The following CLCA2 variants were observed in gnomAD, a reference collection of about 807,000 sequenced individuals.
CLCA2 encodes the protein calcium-activated chloride channel regulator 2.
In CLCA2, 85 loss-of-function variants were observed where a neutral mutation model predicts 82.9. That is an observed-to-expected ratio of 1.03 (90% CI 0.86 to 1.23). CLCA2 has a LOEUF of 1.23. Among genes scored for constraint, CLCA2 ranks in the 50% most tolerant of loss-of-function variants. The pLI is 0.00. For missense variants in CLCA2, 1,089 were observed against 1,124.8 expected, an observed-to-expected ratio of 0.97 and a Z score of 0.45; for synonymous variants, 421 against 391.7, an observed-to-expected ratio of 1.07 and a Z score of -0.88.
intron 12 of CLCA2, 87 bp from the exon 13 acceptor site, chr1:86,453,282 T>C: frequency 1.0e-6 from 1 of 955,606 alleles, no homozygotes; most frequent in Non-Finnish European, 1.6e-6. Context: ...GAAAAAAAGG[T>C]TTAAGAAAGT....
At position 86,455,497 on chromosome 1, in the gene CLCA2, C is replaced by G; in HGVS notation, c.2802C>G (p.Asp934Glu). ...CTTTAAGCAGGAAAAAGAGAGCAGA[C>G]AAGAAAGAGAATGGAACAAAATTAT... ...HHTLSRKKRA[D>E]KKENGTKLL Residue 934 changes from aspartate (D) to glutamate (E), a missense_variant, in exon 14 of 14, where the codon GAC becomes GAG. Coordinates refer to ENST00000370565, the MANE Select transcript of CLCA2 (RefSeq NM_006536.7). The G allele has an allele frequency of 6.7e-7, 1 of 1,489,688 alleles. No individual in the cohort carries two copies. Among genetic ancestry groups the G allele is most frequent in the Non-Finnish European group, 8.9e-7 (1 of 1,121,222 alleles). 92.3% of individuals were successfully genotyped at this position (1,489,688 alleles called of 1,614,324 possible). A position where few individuals can be genotyped will look rare whatever the true frequency, so the allele number is the denominator to read the frequency against.
chr1:86,447,033 G>A (rs1662867443), intron 10 of CLCA2, among the ~76,000 whole-genome samples: 1 of 152,138 alleles, frequency 6.6e-6, no homozygotes, highest in Non-Finnish European at 1.5e-5. Flanking sequence ...GGGAAGTGGA[G>A]TGAAAGAAGG....
Position 86,430,919 on chromosome 1 carries a change from A to G in CLCA2, c.533A>G (p.Asn178Ser). The G allele has an allele frequency of 1.9e-6, 3 of 1,613,764 alleles. No homozygotes were observed. Among genetic ancestry groups the G allele is most frequent in the Non-Finnish European group, 2.5e-6 (3 of 1,179,802 alleles). The change falls in exon 4 of 14, where the codon AAC (asparagine) becomes AGC (serine). Residue 178 changes from asparagine to serine, a missense_variant. Asn to Ser is a conservative substitution (Grantham distance 46). Coordinates refer to ENST00000370565, the MANE Select transcript of CLCA2 (RefSeq NM_006536.7). ...CGTTGGGGTGTGTTCGATGAGTATA[A>G]CAATGACAAACCTTTCTACATAAAT... ...HLRWGVFDEY[N>S]NDKPFYINGQ...
At chr1:86,442,769 T>A (rs961111182) in intron 9 of CLCA2, among the ~76,000 whole-genome samples, 3 of 152,240 alleles carry the variant, frequency 2.0e-5, no homozygotes, top group Admixed American at 1.3e-4. Flanking sequence ...ACGCAGTAAT[T>A]AAATGCAGGG....
rs1028195388 is a variant in CLCA2 at position 86,455,567 on chromosome 1, C to G, written c.*40C>G. 18 of 1,313,196 alleles carry G rather than the reference C, an allele frequency of 1.4e-5. No homozygotes were observed. The East Asian group carries it at 3.6e-4, about 26-fold the overall frequency. The allele number at this position is 1,313,196 out of a possible 1,614,324, so 81.3% of individuals were successfully genotyped here. On this transcript the variant is annotated 3_prime_UTR_variant, in exon 14 of 14. Transcript: ENST00000370565. ...TGTCTTCCTTCTTAGATATAAGACC[C>G]ATGGCCTTCGACTACAAAAACATAC...
chr1:86,431,502 A>AT (rs1228672340), intron 4 of CLCA2, among the ~76,000 whole-genome samples: 2 of 152,218 alleles, frequency 1.3e-5, no homozygotes, highest in African/African-American at 4.8e-5. Flanking sequence ...GTGCAGACAG[A>AT]TTAACATATC....
chr1:86,451,245 A>T (rs1187589600), intron 12 of CLCA2, among the ~76,000 whole-genome samples: 1 of 152,234 alleles, frequency 6.6e-6, no homozygotes, highest in East Asian at 1.9e-4. Flanking sequence ...AATAAATGGA[A>T]GATAGTTATC....
rs1461152848 is a variant in CLCA2, at chr1:86,447,808, T to A, written c.1984+30T>A. 3 of 1,597,502 alleles carry A rather than the reference T, an allele frequency of 1.9e-6. No homozygotes were observed. In the Admixed American group the frequency reaches 5.1e-5, roughly 27 times the overall value. ...CAAGGAATGTCATGACATTTTATCA[T>A]CTTCTCAACAGCTGTTGTGATATGA... On this transcript the variant is annotated intron_variant, in intron 11 of 13. Coordinates refer to ENST00000370565, the MANE Select transcript of CLCA2 (RefSeq NM_006536.7).
intron 10 of CLCA2, among the ~76,000 whole-genome samples, chr1:86,445,817 C>T (rs1404838412): frequency 2.0e-5 from 3 of 152,026 alleles, no homozygotes; most frequent in African/African-American, 7.3e-5. Context: ...AAAAATACTA[C>T]CCTCACAGAC....
chr1:86,433,018 C>T (rs1401762479), intron 5 of CLCA2, among the ~76,000 whole-genome samples: 2 of 152,190 alleles, frequency 1.3e-5, no homozygotes, highest in African/African-American at 4.8e-5. Context: ...ATATTCCATG[C>T]TAACTAACTG....
chr1:86,432,647 G>A (rs1463484053), intron 5 of CLCA2, 119 bp downstream of exon 5: 8 of 1,162,068 alleles, frequency 6.9e-6, no homozygotes, highest in South Asian at 3.6e-5. Flanking sequence ...GGACCCTAGA[G>A]TTCATCTAGT....
intron 12 of CLCA2, among the ~76,000 whole-genome samples, chr1:86,451,285 A>G (rs1662959004): frequency 6.6e-6 from 1 of 152,228 alleles, no homozygotes; most frequent in African/African-American, 2.4e-5. Flanking sequence ...AGTTCCTGAT[A>G]GGAAGCGGTG....
chr1:86,432,903 C>T (rs1662529756), intron 5 of CLCA2, among the ~76,000 whole-genome samples: 1 of 152,162 alleles, frequency 6.6e-6, no homozygotes, highest in Non-Finnish European at 1.5e-5. Context: ...TTTGAAATGC[C>T]TTTCCTCAAT....
chr1:86,441,865 T>A (rs1045202721), intron 9 of CLCA2, among the ~76,000 whole-genome samples: 1 of 152,218 alleles, frequency 6.6e-6, no homozygotes, highest in Non-Finnish European at 1.5e-5. Flanking sequence ...CTTTTAGTGT[T>A]ATAGTAACTT....
Position 86,455,244 on chromosome 1 carries a change from A to T in CLCA2, c.2549A>T (p.His850Leu). ...CAAATTTCCACGAATGGACCTGAAC[A>T]TCAGCCAAATGGAGAAACACATGAA... ...SPQISTNGPEHQPNGETHESH... is the reference protein window; with the variant it reads ...SPQISTNGPELQPNGETHESH... The change falls in exon 14 of 14, where the codon CAT (histidine) becomes CTT (leucine). Residue 850 changes from histidine (H) to leucine (L), a missense_variant. Physicochemically the swap from His to Leu is moderately conservative, Grantham distance 99. Coordinates refer to ENST00000370565, the MANE Select transcript of CLCA2 (RefSeq NM_006536.7). The T allele has an allele frequency of 6.2e-7, 1 of 1,614,184 alleles. No homozygotes were observed. Among genetic ancestry groups the T allele is most frequent in the Admixed American group, 1.7e-5 (1 of 60,012 alleles).
chr1:86,447,535 A>C lies in CLCA2; in HGVS notation c.1741A>C (p.Asn581His), dbSNP rs373561251. The C allele has an allele frequency of 5.0e-6, 8 of 1,614,106 alleles. No individual in the cohort carries two copies. The highest frequency in any genetic ancestry group is 6.8e-6 in the Non-Finnish European group (8 of 1,180,004). The part of the protein sequence containing the change: ...KPGHWTYTLN[N>H]THHSLQALKV... ...TGGGCACTGGACTTACACCCTGAAC[A>C]ATACCCATCATTCTCTGCAAGCCCT... Residue 581 changes from asparagine to histidine, a missense_variant, in exon 11 of 14, where the codon AAT becomes CAT. Physicochemically the swap from Asn to His is moderately conservative, Grantham distance 68. Coordinates refer to ENST00000370565, the MANE Select transcript of CLCA2 (RefSeq NM_006536.7).
At chr1:86,434,792 A>C in intron 6 of CLCA2, 47 bp downstream of exon 6, 1 of 1,439,974 alleles carries the variant, frequency 6.9e-7, no homozygotes. Context: ...CATTTTTTCT[A>C]TCAGTTCTTT....
Sources: allele counts gnomAD v4.1 joint callset (sites outside exome capture counted in the v4.1 genomes callset), GRCh38; gene constraint gnomAD v4.1.1; transcripts MANE v1.5; gene names NCBI Gene and HGNC (gene_info 2026-07-23, HGNC 2026-07-21).